Variants in NELL1 observed in about 807,000 individuals in gnomAD.
NELL1 encodes protein kinase C-binding protein NELL1.
In NELL1, 76 loss-of-function variants were observed where a neutral mutation model predicts 107.4. The observed-to-expected ratio is 0.71, with a 90% CI of 0.59 to 0.86. NELL1 has a LOEUF of 0.86. NELL1 is among the 40% of genes least tolerant of loss of function. The pLI is 0.00. For synonymous variants in NELL1, 353 were observed against 341.2 expected (o/e 1.03, Z -0.38); for missense variants, 1,024 against 1,005.5 (o/e 1.02, Z -0.25).
chr11:21,251,472 C>G lies in NELL1; in HGVS notation c.1549+22018C>G, dbSNP rs555853945. ...ATTAACTAGCCTAACCCTCCTTAGT[C>G]AAATATAATCACATGAAGTTAGAGA... On this transcript the variant is annotated intron_variant, in intron 14 of 19. Coordinates refer to ENST00000357134, the MANE Select transcript of NELL1 (RefSeq NM_006157.5). Among the ~76,000 whole-genome samples, 6 of 152,174 alleles carry G rather than the reference C, an allele frequency of 3.9e-5. No homozygotes were observed. In the South Asian group the frequency reaches 1.0e-3, roughly 26 times the overall value.
At chr11:20,720,424 G>T (rs1013706726) in intron 2 of NELL1, among the ~76,000 whole-genome samples, 4 of 152,094 alleles carry the variant, frequency 2.6e-5, no homozygotes, top group African/African-American at 4.8e-5. Context: ...GGCCAGGCTG[G>T]TCTTGAACTC....
At chr11:21,223,855 G>A (rs1857825296) in intron 13 of NELL1, among the ~76,000 whole-genome samples, 1 of 152,160 alleles carries the variant, frequency 6.6e-6, no homozygotes, top group Non-Finnish European at 1.5e-5. Flanking sequence ...CAGGTCTACT[G>A]GTGATGAATT....
chr11:20,806,098 A>G (rs1857377152), intron 3 of NELL1, among the ~76,000 whole-genome samples: 1 of 149,586 alleles, frequency 6.7e-6, no homozygotes, highest in Non-Finnish European at 1.5e-5. Context: ...TTGTACCTTC[A>G]GTGATTACTT....
intron 3 of NELL1, among the ~76,000 whole-genome samples, chr11:20,835,853 A>C (rs1026036167): frequency 6.6e-6 from 1 of 152,190 alleles, no homozygotes; most frequent in Non-Finnish European, 1.5e-5. Context: ...GAAAATCTAC[A>C]TAACTTTCGG....
chr11:21,294,609 G>A lies in NELL1; in HGVS notation c.1549+65155G>A, dbSNP rs376558106. 4.0e-5 allele frequency among the ~76,000 whole-genome samples: 6 copies of A among 151,854 alleles called. No individual in the cohort carries two copies. In the East Asian group the frequency reaches 1.2e-3, roughly 29 times the overall value. ...ATTTGTATTTATTTATTTTCGTATCGACCTAATCTGATGATTATTATTGTA... is the reference window on the plus strand; with the variant it reads ...ATTTGTATTTATTTATTTTCGTATCAACCTAATCTGATGATTATTATTGTA... On this transcript the variant is annotated intron_variant, in intron 14 of 19. Transcript: ENST00000357134.
At chr11:21,332,476 C>T (rs560208985) in intron 14 of NELL1, among the ~76,000 whole-genome samples, 1 of 152,000 alleles carries the variant, frequency 6.6e-6, no homozygotes. Context: ...TATTTGTATC[C>T]CTTCTATGTG....
At chr11:21,426,261 T>G (rs191314894) in intron 15 of NELL1, among the ~76,000 whole-genome samples, 51 of 152,350 alleles carry the variant, frequency 3.3e-4, no homozygotes, top group African/African-American at 1.2e-3. Context: ...ACATGCTCAG[T>G]AGCATGTGGT....
At chr11:21,205,591 C>CT (rs1857372605) in intron 13 of NELL1, among the ~76,000 whole-genome samples, 1 of 152,204 alleles carries the variant, frequency 6.6e-6, no homozygotes. Flanking sequence ...ACTTGGCTCC[C>CT]TGGCTTCAGC....
At chr11:20,968,926 G>A (rs7935239) in intron 12 of NELL1, among the ~76,000 whole-genome samples, 30,925 of 151,958 alleles carry the variant, frequency 0.2, 3,991 homozygotes, top group African/African-American at 0.37. Flanking sequence ...ACTGCAAGAG[G>A]GGTTGGTAAA....
chr11:21,135,213 TTTATAGC>T (rs748847282), intron 13 of NELL1, among the ~76,000 whole-genome samples: 1 of 152,222 alleles, frequency 6.6e-6, no homozygotes, highest in Non-Finnish European at 1.5e-5. Context: ...GAGCAATCTA[TTTATAGC>T]TTTTATGACA....
At chr11:21,438,400 C>G (rs1357029737) in intron 15 of NELL1, among the ~76,000 whole-genome samples, 1 of 151,822 alleles carries the variant, frequency 6.6e-6, no homozygotes, top group African/African-American at 2.4e-5. Context: ...CTACTTTTTT[C>G]TCTTTGAATG....
chr11:21,271,760 A>T lies in NELL1; in HGVS notation c.1549+42306A>T, dbSNP rs561132714. Among the ~76,000 whole-genome samples the T allele has an allele frequency of 1.6e-3, 249 of 152,332 alleles. 2 individuals are homozygous for T. Among genetic ancestry groups the T allele is most frequent in the African/African-American group, 5.7e-3 (237 of 41,572 alleles). On this transcript the variant is annotated intron_variant, in intron 14 of 19. Coordinates refer to ENST00000357134, the MANE Select transcript of NELL1 (RefSeq NM_006157.5). ...AGTGAATTGACTCCGACAGTTATTT[A>T]AAAAAATACACCATAACCAGGCGGT...
chr11:20,741,177 AGT>A (rs146998533), intron 2 of NELL1, among the ~76,000 whole-genome samples: 96,481 of 150,856 alleles, frequency 0.64, 31,013 homozygotes, highest in Middle Eastern at 0.75. Context: ...CTCATTCTAA[AGT>A]TCAAATAGTA....
Position 21,421,367 on chromosome 11 carries a change from T to C in NELL1, c.1645+50419T>C, listed in dbSNP as rs376144737. On this transcript the variant is annotated intron_variant, in intron 15 of 19. Transcript: ENST00000357134. ...TAATTTTAGCCAATTTCAGCTCTTA[T>C]CTGGAGGTAGCAACCCATCCCCTAC... Among the ~76,000 whole-genome samples, 128 of 152,222 alleles carry C rather than the reference T, an allele frequency of 8.4e-4. No homozygotes were observed. In the South Asian group the frequency reaches 0.023, roughly 28 times the overall value.
At chr11:21,012,432 C>T (rs962397065) in intron 12 of NELL1, among the ~76,000 whole-genome samples, 2 of 152,084 alleles carry the variant, frequency 1.3e-5, no homozygotes, top group South Asian at 2.1e-4. Flanking sequence ...TCACCCCCAT[C>T]CTGCATGGGA....
chr11:21,178,770 A>G (rs1012098603), intron 13 of NELL1, among the ~76,000 whole-genome samples: 1 of 151,736 alleles, frequency 6.6e-6, no homozygotes, highest in Non-Finnish European at 1.5e-5. Flanking sequence ...TCTTAAAAAA[A>G]AAAAAAAGTT....
chr11:21,028,244 T>G (rs1338464725), intron 12 of NELL1, among the ~76,000 whole-genome samples: 1 of 152,126 alleles, frequency 6.6e-6, no homozygotes, highest in Non-Finnish European at 1.5e-5. Flanking sequence ...AAATAGCACA[T>G]CAGCATTTTA....
chr11:20,821,748 G>T (rs549806524), intron 3 of NELL1, among the ~76,000 whole-genome samples: 3 of 152,332 alleles, frequency 2.0e-5, no homozygotes, highest in Non-Finnish European at 2.9e-5. Context: ...GAAAAGGGCA[G>T]CAATAACTTA....
At chr11:20,756,718 G>A (rs1444571545) in intron 2 of NELL1, among the ~76,000 whole-genome samples, 2 of 151,732 alleles carry the variant, frequency 1.3e-5, no homozygotes, top group African/African-American at 4.8e-5. Flanking sequence ...AGCATCCCGG[G>A]CCTCCACCCA....
Sources: gnomAD v4.1 joint callset for allele counts (sites outside exome capture counted in the v4.1 genomes callset) on GRCh38, gnomAD v4.1.1 for gene constraint, MANE v1.5 for transcripts, NCBI Gene and HGNC (gene_info 2026-07-23, HGNC 2026-07-21) for gene names.